The following KDM2B variants were observed in gnomAD, a reference collection of about 807,000 sequenced individuals.
KDM2B encodes lysine demethylase 2B.
Under a neutral mutation model 150.0 loss-of-function variants are expected in KDM2B, and 26 were observed. The observed-to-expected ratio is 0.17, with a 90% CI of 0.13 to 0.24. KDM2B has a LOEUF of 0.24. Among genes scored for constraint, KDM2B ranks in the 10% least tolerant of loss-of-function variants. The pLI is 1.00. For missense variants in KDM2B, 1,265 were observed against 1,816.9 expected (o/e 0.70, Z 5.52); for synonymous variants, 734 against 729.5 (o/e 1.01, Z -0.10).
chr12:121,494,999 CTT>C (rs71079074), intron 11 of KDM2B, among the ~76,000 whole-genome samples: 27 of 138,522 alleles, frequency 1.9e-4, no homozygotes, highest in Non-Finnish European at 1.1e-4. Flanking sequence ...CAAACTTTTT[CTT>C]TTTTTTTTTT....
the KDM2B span, among the ~76,000 whole-genome samples, chr12:121,422,651 C>T: frequency 2.0e-5 from 3 of 152,212 alleles, no homozygotes; most frequent in Admixed American, 1.3e-4. Flanking sequence ...TCATGATTCC[C>T]TTTGATCTCC....
In KDM2B at chr12:121,537,797, A is replaced by C. The variant is rs1555308998; in HGVS notation, c.684-3207T>G. Among the ~76,000 whole-genome samples the C allele has an allele frequency of 6.6e-6, 1 of 151,778 alleles. No individual in the cohort carries two copies. Among genetic ancestry groups the C allele is most frequent in the African/African-American group, 2.4e-5 (1 of 41,362 alleles). On this transcript the variant is annotated intron_variant, in intron 6 of 22. Coordinates refer to ENST00000377071, the MANE Select transcript of KDM2B (RefSeq NM_032590.5). The surrounding 1 kb of genome is among the most constrained non-coding windows in gnomAD (Gnocchi z 8.7). ...ACACTCGCACCCGACCCCGGGAGAC[A>C]CAAAGAGCGGCTCCGCGACGCCGGC...
At chr12:121,559,883 A>T (rs1368245581) in intron 4 of KDM2B, among the ~76,000 whole-genome samples, 2 of 151,804 alleles carry the variant, frequency 1.3e-5, no homozygotes, top group East Asian at 3.9e-4. Flanking sequence ...AGCCTGAGCA[A>T]CAAGAGCAAA....
intron 4 of KDM2B, among the ~76,000 whole-genome samples, chr12:121,554,136 C>T (rs1267146054): frequency 2.0e-5 from 3 of 149,618 alleles, no homozygotes; most frequent in African/African-American, 7.4e-5. Context: ...ACTCTGAAGG[C>T]TGAAGTGGGA....
chr12:121,429,983 A>G lies in KDM2B; in HGVS notation c.*305T>C, dbSNP rs1872747807. Reference sequence around the variant, plus strand: ...ACCACTAACAGAAACTCCTAAGCTCATGCTTCAGTATGAGAATTTCTCCGA... The same window carrying G: ...ACCACTAACAGAAACTCCTAAGCTCGTGCTTCAGTATGAGAATTTCTCCGA... On this transcript the variant is annotated 3_prime_UTR_variant, in exon 23 of 23. Coordinates refer to ENST00000377071, the MANE Select transcript of KDM2B (RefSeq NM_032590.5). 1.2e-6 allele frequency: 1 copy of G among 809,482 alleles called. No homozygotes were observed. 50.1% of individuals were successfully genotyped at this position (809,482 alleles called of 1,614,324 possible). A position where few individuals can be genotyped will look rare whatever the true frequency, so the allele number is the denominator to read the frequency against.
intron 2 of KDM2B, among the ~76,000 whole-genome samples, chr12:121,576,929 G>C (rs1555316954): frequency 1.3e-5 from 2 of 152,196 alleles, no homozygotes; most frequent in African/African-American, 2.4e-5. Flanking sequence ...GAGAGACAGA[G>C]AACAAAACCC....
intron 4 of KDM2B, among the ~76,000 whole-genome samples, chr12:121,553,117 A>T (rs1889636268): frequency 1.3e-5 from 2 of 151,846 alleles, no homozygotes. Flanking sequence ...CTGTAGTCCC[A>T]GCTACTTGGG....
intron 6 of KDM2B, 144 bp downstream of exon 6, chr12:121,548,733 C>T: frequency 1.5e-6 from 1 of 650,870 alleles, no homozygotes; most frequent in South Asian, 1.8e-5. Context: ...TGTGCCCCCA[C>T]AGGCACAGTC....
At chr12:121,566,737 A>G (rs142484870) in intron 4 of KDM2B, among the ~76,000 whole-genome samples, 6,293 of 151,992 alleles carry the variant, frequency 0.041, 441 homozygotes, top group African/African-American at 0.14. Flanking sequence ...CAGAGGTTGC[A>G]GTGAGCCAAG....
chr12:121,574,251 A>C (rs1225881514), intron 4 of KDM2B: 2 of 306,350 alleles, frequency 6.5e-6, no homozygotes, highest in East Asian at 1.5e-4. Flanking sequence ...GGCAACCCAC[A>C]AACAAATGCA....
chr12:121,565,443 G>C (rs1357299640), intron 4 of KDM2B, among the ~76,000 whole-genome samples: 1 of 149,458 alleles, frequency 6.7e-6, no homozygotes, highest in Non-Finnish European at 1.5e-5. Flanking sequence ...CAGCCTTCCC[G>C]AGTAGCTAGG....
chr12:121,445,687 GAGGC>G (rs1876036101), intron 13 of KDM2B, among the ~76,000 whole-genome samples: 1 of 152,224 alleles, frequency 6.6e-6, no homozygotes, highest in African/African-American at 2.4e-5. Context: ...TTAGTGGAGG[GAGGC>G]AGACAAAATG....
the KDM2B span, chr12:121,420,895 C>T: frequency 1.3e-6 from 1 of 743,612 alleles, no homozygotes; most frequent in Non-Finnish European, 2.3e-6. Flanking sequence ...TACCATTTTA[C>T]TGAGTATCAG....
chr12:121,456,038 G>A (rs923660124), intron 12 of KDM2B, among the ~76,000 whole-genome samples: 5 of 152,348 alleles, frequency 3.3e-5, no homozygotes, highest in South Asian at 2.1e-4. Context: ...TGCGGGCACC[G>A]TGGCCATCAC....
chr12:121,494,798 C>T, intron 11 of KDM2B, 133 bp from the exon 12 acceptor site: 1 of 606,262 alleles, frequency 1.6e-6, no homozygotes. Flanking sequence ...CCACCACCAC[C>T]CACACATTCA....
At chr12:121,550,374 A>G (rs1446798956) in intron 4 of KDM2B, among the ~76,000 whole-genome samples, 2 of 152,136 alleles carry the variant, frequency 1.3e-5, no homozygotes, top group East Asian at 3.8e-4. Context: ...CCAAGAAGCC[A>G]GTGACCACCT....
chr12:121,578,440 G>A (rs993920937), intron 2 of KDM2B, among the ~76,000 whole-genome samples: 1 of 152,194 alleles, frequency 6.6e-6, no homozygotes, highest in African/African-American at 2.4e-5. Flanking sequence ...GCCAGGCGGC[G>A]GCACCTCAGG....
At chr12:121,582,253 G>C (rs868976854), upstream of KDM2B, among the ~76,000 whole-genome samples, 1 of 150,974 alleles carries the variant, frequency 6.6e-6, no homozygotes, top group Admixed American at 6.6e-5. Context: ...CACATAGCGC[G>C]TATGTGCCGC....
intron 13 of KDM2B, among the ~76,000 whole-genome samples, chr12:121,445,681 T>A (rs1566271873): frequency 6.6e-6 from 1 of 152,018 alleles, no homozygotes; most frequent in African/African-American, 2.4e-5. Context: ...TACATTTTAG[T>A]GGAGGGAGGC....
Sources: allele counts gnomAD v4.1 joint callset (sites outside exome capture counted in the v4.1 genomes callset), GRCh38; gene constraint gnomAD v4.1.1; non-coding constraint Gnocchi (gnomAD v3.1); transcripts MANE v1.5; gene names NCBI Gene and HGNC (gene_info 2026-07-23, HGNC 2026-07-21).